The following CSF1R variants were observed in gnomAD, a reference collection of about 807,000 sequenced individuals.
The protein encoded by CSF1R is colony stimulating factor 1 receptor, also known as macrophage colony-stimulating factor 1 receptor.
A neutral mutation model predicts 110.0 loss-of-function variants in CSF1R; 40 were observed. That is an observed-to-expected ratio of 0.36 (90% confidence interval 0.28 to 0.47). The LOEUF is 0.47. CSF1R is among the 20% of genes least tolerant of loss of function. The pLI is 0.99. For synonymous variants in CSF1R, 523 were observed against 503.4 expected (o/e 1.04, Z -0.52); for missense variants, 1,052 against 1,253.0 (o/e 0.84, Z 2.42).
At chr5:150,091,226 A>G (rs1759027335), upstream of CSF1R, among the ~76,000 whole-genome samples, 1 of 152,210 alleles carries the variant, frequency 6.6e-6, no homozygotes, top group African/African-American at 2.4e-5. Context: ...AATCAGTTTG[A>G]CAATTCCTCA....
intron 16 of CSF1R, among the ~76,000 whole-genome samples, chr5:150,056,749 G>A (rs75457508): frequency 0.017 from 2,620 of 152,128 alleles, 81 homozygotes; most frequent in African/African-American, 0.059. Flanking sequence ...TTCAACAATC[G>A]TTATGCCCAT....
chr5:150,077,758 C>T (rs1473870193), intron 4 of CSF1R, among the ~76,000 whole-genome samples: 2 of 152,164 alleles, frequency 1.3e-5, no homozygotes, highest in Non-Finnish European at 2.9e-5. Flanking sequence ...TCTGAAATAG[C>T]TGTTATATTC....
intron 1 of CSF1R, among the ~76,000 whole-genome samples, chr5:150,092,774 G>T (rs1006770694): frequency 6.6e-6 from 1 of 152,178 alleles, no homozygotes; most frequent in Non-Finnish European, 1.5e-5. Context: ...ACAATTCAAG[G>T]TGAGAATTGG....
chr5:150,091,548 C>T (rs1561954449), upstream of CSF1R, among the ~76,000 whole-genome samples: 1 of 152,056 alleles, frequency 6.6e-6, no homozygotes, highest in Non-Finnish European at 1.5e-5. Context: ...ATGAAACATC[C>T]AGAACAGGTA....
At chr5:150,090,315 T>C (rs538693141), upstream of CSF1R, among the ~76,000 whole-genome samples, 1 of 152,232 alleles carries the variant, frequency 6.6e-6, no homozygotes, top group Non-Finnish European at 1.5e-5. Context: ...TCAGCAAAAA[T>C]CACTCTTGGT....
chr5:150,094,614 G>T (rs1481523952), intron 1 of CSF1R: 15 of 1,567,386 alleles, frequency 9.6e-6, no homozygotes, highest in African/African-American at 2.7e-5. Flanking sequence ...GAGCCCAAAG[G>T]TTCGAAAGGT....
Position 150,053,772 on chromosome 5 carries a change from G to A in CSF1R, c.*297C>T, listed in dbSNP as rs1050358709. ...CATTTCCATGAAGATAAGGGGATTA[G>A]GAAAGAAGGTTCTACTAGTTGGCAT... On this transcript the variant is annotated 3_prime_UTR_variant, in exon 21 of 21. Coordinates refer to ENST00000675795, the MANE Select transcript of CSF1R (RefSeq NM_001288705.3). 3 of 496,880 alleles carry A rather than the reference G, an allele frequency of 6.0e-6. No individual in the cohort carries two copies. In the Admixed American group the frequency reaches 1.1e-4, roughly 17 times the overall value. The allele number at this position is 496,880 out of a possible 1,614,324, so 30.8% of individuals were successfully genotyped here.
chr5:150,060,588 C>T (rs530838333), intron 13 of CSF1R, among the ~76,000 whole-genome samples: 1 of 152,210 alleles, frequency 6.6e-6, no homozygotes, highest in South Asian at 2.1e-4. Context: ...ATCCGGCTCC[C>T]TGGAAGCAGG....
At chr5:150,081,743 TAC>T (rs1346386823) in intron 1 of CSF1R, among the ~76,000 whole-genome samples, 2 of 152,326 alleles carry the variant, frequency 1.3e-5, no homozygotes, top group South Asian at 2.1e-4. Flanking sequence ...TTACCTAGTC[TAC>T]ACCCAGCAGC....
At chr5:150,097,291 GA>G in intron 1 of CSF1R, among the ~76,000 whole-genome samples, 1 of 119,506 alleles carries the variant, frequency 8.4e-6, no homozygotes, top group Non-Finnish European at 1.8e-5. Flanking sequence ...GAAGGAGAAG[GA>G]GAAGGGAAGG....
At chr5:150,071,978 G>T (rs1758052838) in intron 6 of CSF1R, among the ~76,000 whole-genome samples, 1 of 152,020 alleles carries the variant, frequency 6.6e-6, no homozygotes, top group Non-Finnish European at 1.5e-5. Context: ...AAAGAGTTTT[G>T]AAGTTGTCTA....
At chr5:150,113,249 C>G (rs1759783854) in intron 1 of CSF1R, 1 of 155,472 alleles carries the variant, frequency 6.4e-6, no homozygotes, top group African/African-American at 2.4e-5. Context: ...CTATTCCCTC[C>G]CCTGTCCTTA....
chr5:150,058,058 T>C (rs977927480), intron 14 of CSF1R: 2 of 369,030 alleles, frequency 5.4e-6, no homozygotes, highest in South Asian at 2.0e-5. Context: ...TCAGAAACTC[T>C]AGGGACAAAA....
chr5:150,054,239 G>A lies in CSF1R; in HGVS notation c.2764-15C>T, dbSNP rs2113773269. ...TTGGTATAGTCCTGAGGGTGGGAGG[G>A]ACCAGAAACTGTCAGTCCAGATCCA... On this transcript the variant is annotated splice_polypyrimidine_tract_variant and intron_variant, in intron 20 of 20. Coordinates refer to ENST00000675795, the MANE Select transcript of CSF1R (RefSeq NM_001288705.3). The A allele has an allele frequency of 6.2e-7, 1 of 1,612,712 alleles. No homozygotes were observed. The highest frequency in any genetic ancestry group is 8.5e-7 in the Non-Finnish European group (1 of 1,179,376).
At position 150,077,376 on chromosome 5, in the gene CSF1R, G is replaced by A. The variant is rs1005938448; in HGVS notation, c.789C>T (p.Leu263=). ...HNNRYQKVLT[L]NLDQVDFQHA... is the part of the protein sequence containing the mutation. The stretch of plus-strand genomic sequence containing the variant: ...GTTGGAAATCTACTTGATCGAGGTT[G>A]AGGGTCAGGACTTTTTGGTAACGGT... The change falls in exon 5 of 21, where the codon CTC becomes CTT. Residue 263 remains leucine, a synonymous_variant. Coordinates refer to ENST00000675795, the MANE Select transcript of CSF1R (RefSeq NM_001288705.3). 1 of 1,614,230 alleles carries A rather than the reference G, an allele frequency of 6.2e-7. No individual in the cohort carries two copies. The highest frequency in any genetic ancestry group is 8.5e-7 in the Non-Finnish European group (1 of 1,180,032).
At chr5:150,084,390 A>AAAGAAG (rs1758721574) in intron 1 of CSF1R, among the ~76,000 whole-genome samples, 4 of 44,356 alleles carry the variant, frequency 9.0e-5, no homozygotes, top group Non-Finnish European at 1.7e-4. Flanking sequence ...AAAGAAAGAA[A>AAAGAAG]GAAGGAAGGA....
intron 18 of CSF1R, among the ~76,000 whole-genome samples, chr5:150,055,817 G>A (rs539127295): frequency 2.2e-4 from 33 of 152,370 alleles, no homozygotes; most frequent in Non-Finnish European, 4.0e-4. Context: ...AGAGACAAAC[G>A]AGGGAAGAGC....
upstream of CSF1R, among the ~76,000 whole-genome samples, chr5:150,090,593 G>A (rs368801450): frequency 5.3e-5 from 8 of 152,166 alleles, no homozygotes; most frequent in East Asian, 5.8e-4. Flanking sequence ...GTAGAATCAC[G>A]CAATATGTAG....
chr5:150,100,259 G>A (rs1759361587), intron 1 of CSF1R, among the ~76,000 whole-genome samples: 1 of 128,384 alleles, frequency 7.8e-6, no homozygotes, highest in Non-Finnish European at 1.6e-5. Flanking sequence ...GGGAAAGACA[G>A]TTTTAAGTGA....
Sources: allele counts gnomAD v4.1 joint callset (sites outside exome capture counted in the v4.1 genomes callset), GRCh38; gene constraint gnomAD v4.1.1; transcripts MANE v1.5; gene names NCBI Gene and HGNC (gene_info 2026-07-23, HGNC 2026-07-21).